CCDC146: variants seen among roughly 807,000 people sequenced by gnomAD.
CCDC146 encodes the protein coiled-coil domain-containing protein 146.
CCDC146 carries 92 observed loss-of-function variants against 119.3 expected under a neutral mutation model. The ratio of observed to expected loss-of-function variants is 0.77; its 90% CI spans 0.65 to 0.92. CCDC146 has a LOEUF of 0.92. Ranked by LOEUF, CCDC146 falls within the 40% of genes least tolerant of loss-of-function variation. The pLI is 0.00. For synonymous variants in CCDC146, 372 were observed against 371.8 expected (o/e 1.00, Z -0.01); for missense variants, 1,000 against 1,103.0 (o/e 0.91, Z 1.32).
chr7:77,134,563 C>CTGTGTGTGTGTGTGTGTGTGTGTG (rs1554345524), intron 1 of CCDC146, among the ~76,000 whole-genome samples: 2 of 139,306 alleles, frequency 1.4e-5, no homozygotes, highest in East Asian at 2.0e-4. Context: ...GTGTGTGTGT[C>CTGTGTGTGTGTGTGTGTGTGTGTG]TGTGTGTGTG....
At chr7:77,200,828 T>A (rs1791973835) in intron 2 of CCDC146, among the ~76,000 whole-genome samples, 1 of 152,220 alleles carries the variant, frequency 6.6e-6, no homozygotes, top group Non-Finnish European at 1.5e-5. Context: ...AGAAACCACC[T>A]CCTTTTAATT....
intron 3 of CCDC146, 113 bp downstream of exon 3, chr7:77,237,142 G>A (rs1251894269): frequency 1.9e-5 from 16 of 827,482 alleles, no homozygotes; most frequent in Non-Finnish European, 1.2e-5. Context: ...GCAAGGATTT[G>A]CGTTCAGGGA....
At chr7:77,247,718 G>T (rs1792980993) in intron 4 of CCDC146, among the ~76,000 whole-genome samples, 1 of 152,082 alleles carries the variant, frequency 6.6e-6, no homozygotes, top group Non-Finnish European at 1.5e-5. Context: ...TCAGAGAAAT[G>T]CAAATTAAAA....
At chr7:77,173,063 A>C (rs1791447317) in intron 2 of CCDC146, among the ~76,000 whole-genome samples, 2 of 152,224 alleles carry the variant, frequency 1.3e-5, no homozygotes, top group Admixed American at 1.3e-4. Flanking sequence ...AGAGAGGGGA[A>C]CAACACACAC....
intron 2 of CCDC146, among the ~76,000 whole-genome samples, chr7:77,172,955 G>A (rs892633995): frequency 1.2e-4 from 19 of 152,184 alleles, no homozygotes; most frequent in Non-Finnish European, 2.4e-4. Flanking sequence ...GCTCACAGGG[G>A]TTTCTCCAAC....
At chr7:77,222,743 C>G (rs758206486) in intron 2 of CCDC146, among the ~76,000 whole-genome samples, 41 of 152,352 alleles carry the variant, frequency 2.7e-4, no homozygotes, top group South Asian at 2.1e-4. Context: ...GAGAGATGCT[C>G]TGGTCTCTAA....
chr7:77,218,283 T>G (rs1207647926), intron 2 of CCDC146, among the ~76,000 whole-genome samples: 1 of 150,256 alleles, frequency 6.7e-6, no homozygotes, highest in African/African-American at 2.4e-5. Flanking sequence ...AGGTTATAAT[T>G]TATATATAAA....
At chr7:77,179,267 A>G (rs1388306938) in intron 2 of CCDC146, among the ~76,000 whole-genome samples, 1 of 152,164 alleles carries the variant, frequency 6.6e-6, no homozygotes, top group Non-Finnish European at 1.5e-5. Context: ...TTATTTATAT[A>G]AAGCTATTTT....
At chr7:77,221,217 C>A (rs1792397823) in intron 2 of CCDC146, among the ~76,000 whole-genome samples, 1 of 152,172 alleles carries the variant, frequency 6.6e-6, no homozygotes, top group African/African-American at 2.4e-5. Flanking sequence ...CTGGGTATTA[C>A]AATTCAACAT....
rs557585543 is a variant in CCDC146 at position 77,287,384 on chromosome 7, G to T, written c.2278-56G>T. The T allele has an allele frequency of 2.3e-4, 369 of 1,583,394 alleles. 6 individuals are homozygous for T. In the South Asian group the frequency reaches 3.3e-3, roughly 14 times the overall value. On this transcript the variant is annotated intron_variant, in intron 16 of 18. Coordinates refer to ENST00000285871, the MANE Select transcript of CCDC146 (RefSeq NM_020879.3). Reference sequence around the variant, plus strand: ...AGATACTGCTCTAATTAGGAAATAAGATTTTGTCTTAGATGACTTTTTTTT... The same window carrying T: ...AGATACTGCTCTAATTAGGAAATAATATTTTGTCTTAGATGACTTTTTTTT...
At chr7:77,243,532 G>A (rs1792887953) in intron 4 of CCDC146, among the ~76,000 whole-genome samples, 1 of 152,186 alleles carries the variant, frequency 6.6e-6, no homozygotes, top group South Asian at 2.1e-4. Flanking sequence ...TCACAGTCAT[G>A]CACCACATAA....
chr7:77,252,092 T>A (rs754819106), intron 4 of CCDC146, among the ~76,000 whole-genome samples: 1 of 152,126 alleles, frequency 6.6e-6, no homozygotes, highest in African/African-American at 2.4e-5. Context: ...GAGGTTGCAG[T>A]GAGCCGAGAT....
At chr7:77,291,512 C>T (rs947166333) in intron 17 of CCDC146, among the ~76,000 whole-genome samples, 2 of 151,960 alleles carry the variant, frequency 1.3e-5, no homozygotes, top group Non-Finnish European at 2.9e-5. Flanking sequence ...CAAGACCTGC[C>T]TAGGCAACAT....
intron 2 of CCDC146, among the ~76,000 whole-genome samples, chr7:77,219,629 C>T (rs1374766624): frequency 6.6e-6 from 1 of 152,178 alleles, no homozygotes; most frequent in Admixed American, 6.5e-5. Context: ...AAATGTAACA[C>T]TTTATTATCG....
intron 2 of CCDC146, among the ~76,000 whole-genome samples, chr7:77,231,067 T>A (rs943559750): frequency 6.6e-6 from 1 of 152,170 alleles, no homozygotes; most frequent in Non-Finnish European, 1.5e-5. Context: ...TGTGATAAAA[T>A]CTCTCATGTT....
At chr7:77,292,369 A>G (rs569511850) in intron 17 of CCDC146, among the ~76,000 whole-genome samples, 1 of 147,000 alleles carries the variant, frequency 6.8e-6, no homozygotes, top group African/African-American at 2.5e-5. Context: ...TAATCCCAGC[A>G]CTTAGGGAGG....
intron 6 of CCDC146, among the ~76,000 whole-genome samples, chr7:77,257,645 A>G (rs139828856): frequency 2.2e-4 from 33 of 152,284 alleles, no homozygotes; most frequent in African/African-American, 7.7e-4. Flanking sequence ...ACAAAATTTG[A>G]TCTGCCCCAG....
At chr7:77,136,493 A>G (rs1188646109) in intron 1 of CCDC146, among the ~76,000 whole-genome samples, 1 of 152,202 alleles carries the variant, frequency 6.6e-6, no homozygotes, top group Non-Finnish European at 1.5e-5. Context: ...AATACTATGA[A>G]CAACTCTGTA....
rs145295237 is a variant in CCDC146, at chr7:77,279,086, C to A, written c.1679C>A (p.Ala560Asp). The change falls in exon 13 of 19, where the codon GCC (alanine) becomes GAC (aspartate). Residue 560 changes from alanine (A) to aspartate (D), a missense_variant. Physicochemically the swap from Ala to Asp is moderately radical, Grantham distance 126. Transcript: ENST00000285871. ...GAACTTGAAATTCTGAGAAATAGTG[C>A]CGTTAGTCAAGAAAGGTAAGTGTTA... ...LNELEILRNS[A>D]VSQERKLQNS... 19 of 1,609,626 alleles carry A rather than the reference C, an allele frequency of 1.2e-5. No individual in the cohort carries two copies. The highest frequency in any genetic ancestry group is 1.6e-5 in the Non-Finnish European group (19 of 1,178,122).
Sources: gnomAD v4.1 joint callset for allele counts (sites outside exome capture counted in the v4.1 genomes callset) on GRCh38, gnomAD v4.1.1 for gene constraint, MANE v1.5 for transcripts, NCBI Gene and HGNC (gene_info 2026-07-23, HGNC 2026-07-21) for gene names.